THSD7B: variants seen among roughly 807,000 people sequenced by gnomAD.
THSD7B encodes the protein thrombospondin type-1 domain-containing protein 7B.
THSD7B carries 138 observed loss-of-function variants against 213.6 expected under a neutral mutation model. That is an observed-to-expected ratio of 0.65 (90% CI 0.56 to 0.74). The LOEUF is 0.74. THSD7B is among the 30% of genes least tolerant of loss of function. The pLI, the probability that THSD7B is intolerant of heterozygous loss-of-function variation, is 0.00. For missense variants in THSD7B, 1,931 were observed against 1,991.5 expected (o/e 0.97, Z 0.58); for synonymous variants, 742 against 687.0 (o/e 1.08, Z -1.25).
At chr2:137,461,357 A>C (rs569154633) in intron 15 of THSD7B, among the ~76,000 whole-genome samples, 1 of 152,270 alleles carries the variant, frequency 6.6e-6, no homozygotes, top group South Asian at 2.1e-4. Context: ...ATTTTAGATA[A>C]TGACTTAACA....
intron 2 of THSD7B, among the ~76,000 whole-genome samples, chr2:136,889,808 G>C (rs1683783113): frequency 6.6e-6 from 1 of 152,088 alleles, no homozygotes; most frequent in Non-Finnish European, 1.5e-5. Context: ...ATCATCTGTG[G>C]AACATCCTTT....
At chr2:137,507,162 T>C (rs963267920) in intron 15 of THSD7B, among the ~76,000 whole-genome samples, 6 of 152,276 alleles carry the variant, frequency 3.9e-5, no homozygotes, top group Middle Eastern at 3.4e-3. Flanking sequence ...CGTCTTACAA[T>C]GACAGCTAGC....
At chr2:136,943,751 C>G (rs6726234) in intron 2 of THSD7B, among the ~76,000 whole-genome samples, 1 of 151,544 alleles carries the variant, frequency 6.6e-6, no homozygotes, top group African/African-American at 2.4e-5. Context: ...TTTTTATTGC[C>G]TCTATTTGAT....
chr2:137,056,563 C>G lies in THSD7B; in HGVS notation c.283C>G (p.Arg95Gly). Residue 95 changes from arginine (R) to glycine (G), a missense_variant, in exon 3 of 28, where the codon CGA becomes GGA. By Grantham distance (125) the Arg-to-Gly change is moderately radical (BLOSUM62 -2). Transcript: ENST00000409968. ...NRPPKERSCFRVCDWHSDLFQ... is the reference protein window; with the variant it reads ...NRPPKERSCFGVCDWHSDLFQ... The stretch of plus-strand genomic sequence containing the variant: ...GCCTCCAAAGGAAAGAAGTTGTTTC[C>G]GAGTTTGTGACTGGCACAGTGACCT... The G allele has an allele frequency of 6.2e-7, 1 of 1,613,836 alleles. No individual in the cohort carries two copies. Among genetic ancestry groups the G allele is most frequent in the Non-Finnish European group, 8.5e-7 (1 of 1,179,862 alleles).
At chr2:137,046,686 C>T (rs986332413) in intron 2 of THSD7B, among the ~76,000 whole-genome samples, 6 of 146,940 alleles carry the variant, frequency 4.1e-5, no homozygotes, top group South Asian at 2.1e-4. Flanking sequence ...GCCAAGATCA[C>T]GCCACTGCAT....
At chr2:137,235,478 A>G (rs1340499059) in intron 9 of THSD7B, among the ~76,000 whole-genome samples, 2 of 152,174 alleles carry the variant, frequency 1.3e-5, no homozygotes, top group African/African-American at 2.4e-5. Flanking sequence ...ACTGATACCA[A>G]TTCCATAAAT....
At chr2:137,676,424 C>A (rs1683700675) in intron 27 of THSD7B, 100 bp from the exon 28 acceptor site, 4 of 1,092,372 alleles carry the variant, frequency 3.7e-6, no homozygotes, top group Admixed American at 2.9e-5. Flanking sequence ...ATCTTTTTGT[C>A]ATTTTACCGC....
At chr2:137,335,404 G>A (rs1490090664) in intron 12 of THSD7B, among the ~76,000 whole-genome samples, 1 of 152,064 alleles carries the variant, frequency 6.6e-6, no homozygotes, top group Non-Finnish European at 1.5e-5. Flanking sequence ...ATGAAGGGTT[G>A]GTAAAACAAC....
chr2:137,019,889 A>G (rs1017803372), intron 2 of THSD7B, among the ~76,000 whole-genome samples: 18 of 152,132 alleles, frequency 1.2e-4, no homozygotes, highest in African/African-American at 4.1e-4. Context: ...TAATTTGACT[A>G]CTGGCTCTGA....
At chr2:137,399,093 C>T (rs902588224) in intron 12 of THSD7B, among the ~76,000 whole-genome samples, 19 of 151,988 alleles carry the variant, frequency 1.3e-4, no homozygotes, top group African/African-American at 4.3e-4. Flanking sequence ...GAACCCGGTA[C>T]CTCAGATGGA....
Position 137,275,961 on chromosome 2 carries a change from C to T in THSD7B, c.2435C>T (p.Pro812Leu), listed in dbSNP as rs753550151. Residue 812 changes from proline to leucine, a missense_variant, in exon 12 of 28, where the codon CCA becomes CTA. Transcript: ENST00000409968. ...PQKWSPCILVPESVWQGITGS... is the reference protein window; with the variant it reads ...PQKWSPCILVLESVWQGITGS... ...AAATGGAGCCCTTGCATCTTAGTGCCAGAGTCTGTCTGGCAGGGAATAACG... is the reference window on the plus strand; with the variant it reads ...AAATGGAGCCCTTGCATCTTAGTGCTAGAGTCTGTCTGGCAGGGAATAACG... 2.5e-6 allele frequency: 4 copies of T among 1,612,046 alleles called. No homozygotes were observed. The East Asian group carries it at 6.7e-5, about 27-fold the overall frequency.
Position 137,540,059 on chromosome 2 carries a change from G to A in THSD7B, c.3139-23162G>A, listed in dbSNP as rs561896941. Among the ~76,000 whole-genome samples, 142 of 151,760 alleles carry A rather than the reference G, an allele frequency of 9.4e-4. 1 individual carries two copies. The highest frequency in any genetic ancestry group is 1.6e-3 in the Non-Finnish European group (110 of 67,786). Reference sequence around the variant, plus strand: ...ATATAATGTCTTATCTAAAAATGAAGTGTGAGATATAGAAAAGGGGTCAGC... The same window carrying A: ...ATATAATGTCTTATCTAAAAATGAAATGTGAGATATAGAAAAGGGGTCAGC... On this transcript the variant is annotated intron_variant, in intron 15 of 27. Transcript: ENST00000409968.
At chr2:137,157,416 G>C (rs1240865280) in intron 5 of THSD7B, among the ~76,000 whole-genome samples, 1 of 152,140 alleles carries the variant, frequency 6.6e-6, no homozygotes, top group Non-Finnish European at 1.5e-5. Context: ...AGGACATCTT[G>C]TTCTTATGGG....
chr2:137,540,841 G>T (rs2105191829), intron 15 of THSD7B, among the ~76,000 whole-genome samples: 1 of 151,810 alleles, frequency 6.6e-6, no homozygotes. Context: ...ATGTTCACAG[G>T]GGTTCTGACA....
intron 17 of THSD7B, among the ~76,000 whole-genome samples, chr2:137,603,788 C>T (rs376854909): frequency 1.3e-5 from 2 of 152,242 alleles, no homozygotes. Context: ...CTTGGCATCA[C>T]AAATGCATAC....
rs1489733264 is a variant in THSD7B, at chr2:137,625,333, G to A, written c.3799+4607G>A. Among the ~76,000 whole-genome samples the A allele has an allele frequency of 5.7e-5, 6 of 105,758 alleles. No homozygotes were observed. The South Asian group carries it at 2.0e-3, about 36-fold the overall frequency. 69.4% of individuals were successfully genotyped at this position (105,758 alleles called of 152,430 possible). A position where few individuals can be genotyped will look rare whatever the true frequency, so the allele number is the denominator to read the frequency against. The stretch of plus-strand genomic sequence containing the variant: ...CACACTGGGACCTGTCATGGGGTGG[G>A]GGGAGGGGGGAGGGATAACATTAGG... On this transcript the variant is annotated intron_variant, in intron 20 of 27. Transcript: ENST00000409968.
At chr2:137,103,854 C>T (rs1405059850) in intron 4 of THSD7B, among the ~76,000 whole-genome samples, 1 of 152,104 alleles carries the variant, frequency 6.6e-6, no homozygotes, top group Non-Finnish European at 1.5e-5. Flanking sequence ...AATATATATG[C>T]ACTTAACACA....
Position 136,791,086 on chromosome 2 carries a change from G to A in THSD7B, c.-36+25399G>A, listed in dbSNP as rs1007848941. ...GGAGAAGGGTGACTTGACATGGGGA[G>A]CTTCCATTGGAGAGTTGGTGATAAT... On this transcript the variant is annotated intron_variant, in intron 1 of 27. Coordinates refer to ENST00000409968, the MANE Select transcript of THSD7B (RefSeq NM_001316349.2). 1.6e-4 allele frequency among the ~76,000 whole-genome samples: 24 copies of A among 152,084 alleles called. No homozygotes were observed. The South Asian group carries it at 2.5e-3, about 16-fold the overall frequency.
At chr2:137,194,647 C>T (rs558551143) in intron 7 of THSD7B, among the ~76,000 whole-genome samples, 11 of 152,256 alleles carry the variant, frequency 7.2e-5, no homozygotes, top group South Asian at 2.1e-4. Flanking sequence ...AGGTTTTATA[C>T]ATTGCTTTTC....
Sources: gnomAD v4.1 joint callset for allele counts (sites outside exome capture counted in the v4.1 genomes callset) on GRCh38, gnomAD v4.1.1 for gene constraint, MANE v1.5 for transcripts, NCBI Gene and HGNC (gene_info 2026-07-23, HGNC 2026-07-21) for gene names.